Variants in KIAA1755 observed in about 807,000 individuals in gnomAD.
The protein encoded by KIAA1755 is KIAA1755.
KIAA1755 carries 68 observed loss-of-function variants against 91.7 expected under a neutral mutation model. The observed-to-expected ratio is 0.74, with a 90% CI of 0.61 to 0.91. The LOEUF is 0.91. Ranked by LOEUF, KIAA1755 falls within the 40% of genes least tolerant of loss-of-function variation. The pLI, the probability that KIAA1755 is intolerant of heterozygous loss-of-function variation, is 0.00. For synonymous variants in KIAA1755, 610 were observed against 604.6 expected (o/e 1.01, Z -0.13); for missense variants, 1,535 against 1,494.4 (o/e 1.03, Z -0.45).
intron 11 of KIAA1755, among the ~76,000 whole-genome samples, chr20:38,219,150 T>G (rs1000961873): frequency 6.6e-6 from 1 of 151,840 alleles, no homozygotes; most frequent in Non-Finnish European, 1.5e-5. Flanking sequence ...GATGCAGGAG[T>G]GTGCCGTGCC....
At chr20:38,218,968 G>A (rs1444671462) in intron 11 of KIAA1755, among the ~76,000 whole-genome samples, 1 of 152,002 alleles carries the variant, frequency 6.6e-6, no homozygotes, top group Non-Finnish European at 1.5e-5. Flanking sequence ...CTTATTCTGG[G>A]GCATCTTAAA....
At chr20:38,253,586 C>A (rs1027866081) in intron 1 of KIAA1755, among the ~76,000 whole-genome samples, 1 of 152,056 alleles carries the variant, frequency 6.6e-6, no homozygotes, top group Non-Finnish European at 1.5e-5. Flanking sequence ...ACCGTATGAT[C>A]TATAGTATGA....
At chr20:38,257,568 G>A (rs938502370) in intron 1 of KIAA1755, among the ~76,000 whole-genome samples, 1 of 142,634 alleles carries the variant, frequency 7.0e-6, no homozygotes, top group South Asian at 2.2e-4. Flanking sequence ...GCAATAGAGC[G>A]AGACTCCATC....
intron 5 of KIAA1755, among the ~76,000 whole-genome samples, chr20:38,228,590 C>T (rs532400686): frequency 2.0e-5 from 3 of 152,228 alleles, no homozygotes; most frequent in South Asian, 4.1e-4. Context: ...AATCCAACTC[C>T]CTCCAAAAAG....
rs1447670140 is a variant in KIAA1755 at position 38,241,526 on chromosome 20, C to A, written c.605G>T (p.Gly202Val). 2 of 1,614,088 alleles carry A rather than the reference C, an allele frequency of 1.2e-6. No individual in the cohort carries two copies. The highest frequency in any genetic ancestry group is 1.7e-6 in the Non-Finnish European group (2 of 1,180,046). ...QVVNALCQAW[G>V]PLPLEALDLS... is the part of the protein sequence containing the mutation. ...ATCCAGTGCCTCTAATGGAAGGGGCCCCCAGGCTTGGCAGAGGGCATTCAC... is the reference window on the plus strand; with the variant it reads ...ATCCAGTGCCTCTAATGGAAGGGGCACCCAGGCTTGGCAGAGGGCATTCAC... Residue 202 changes from glycine (G) to valine (V), a missense_variant, in exon 3 of 14, where the codon GGG becomes GTG. By Grantham distance (109) the Gly-to-Val change is moderately radical. Coordinates refer to ENST00000279024, the MANE Select transcript of KIAA1755 (RefSeq NM_001029864.2).
intron 4 of KIAA1755, among the ~76,000 whole-genome samples, 153 bp downstream of exon 4, chr20:38,239,375 T>A (rs779772669): frequency 6.6e-6 from 1 of 152,222 alleles, no homozygotes; most frequent in African/African-American, 2.4e-5. Flanking sequence ...AATTCTCCCA[T>A]GGGAAAGATG....
intron 1 of KIAA1755, among the ~76,000 whole-genome samples, chr20:38,251,129 A>C (rs1461297120): frequency 1.3e-5 from 2 of 152,152 alleles, no homozygotes; most frequent in Non-Finnish European, 2.9e-5. Context: ...TACTTTAAAA[A>C]ATAAAAATAA....
chr20:38,226,900 G>A lies in KIAA1755; in HGVS notation c.2052+254C>T, dbSNP rs142256791. On this transcript the variant is annotated intron_variant, in intron 7 of 13. Coordinates refer to ENST00000279024, the MANE Select transcript of KIAA1755 (RefSeq NM_001029864.2). Reference sequence around the variant, plus strand: ...AGGTTCTATGCCATGTGCAATTCTCGATCATGTGGCAGCACCCACCAGGAG... The same window carrying A: ...AGGTTCTATGCCATGTGCAATTCTCAATCATGTGGCAGCACCCACCAGGAG... Among the ~76,000 whole-genome samples, 205 of 152,274 alleles carry A rather than the reference G, an allele frequency of 1.3e-3. 1 individual carries two copies. Among genetic ancestry groups the A allele is most frequent in the African/African-American group, 4.7e-3 (197 of 41,550 alleles).
chr20:38,215,171 T>A (rs944694207), intron 13 of KIAA1755, among the ~76,000 whole-genome samples: 67 of 152,174 alleles, frequency 4.4e-4, no homozygotes, highest in African/African-American at 1.5e-3. Flanking sequence ...TCAGAAATCA[T>A]CTTGCCCAAC....
intron 10 of KIAA1755, among the ~76,000 whole-genome samples, chr20:38,221,559 G>T (rs901959511): frequency 2.0e-5 from 3 of 152,116 alleles, no homozygotes; most frequent in Non-Finnish European, 2.9e-5. Context: ...ATGTGACCCT[G>T]GACTAATCAC....
intron 13 of KIAA1755, chr20:38,216,848 C>T (rs893640899): frequency 2.1e-6 from 1 of 479,502 alleles, no homozygotes; most frequent in Admixed American, 2.3e-5. Context: ...CCCAACAACC[C>T]CTCATCCTCA....
Position 38,214,276 on chromosome 20 carries a change from C to T in KIAA1755, c.2902-533G>A, listed in dbSNP as rs544626025. Among the ~76,000 whole-genome samples the T allele has an allele frequency of 1.8e-4, 28 of 152,280 alleles. No homozygotes were observed. The South Asian group carries it at 2.5e-3, about 14-fold the overall frequency. On this transcript the variant is annotated intron_variant, in intron 13 of 13. Transcript: ENST00000279024. ...CATCAGACACCTTCTAATAGACCTA[C>T]GGGCCAGCAGGGACTTAGCCCTCTC...
At position 38,218,308 on chromosome 20, in the gene KIAA1755, T is replaced by A. The variant is rs754616495; in HGVS notation, c.2615A>T (p.Asp872Val). ...RRCLQSLTPK[D>V]GSLETVEKAH... ...TTTCTCCACTGTCTCCAAACTTCCA[T>A]CCTTGGGGGTCAGTGATTGCAGGCA... Residue 872 changes from aspartate (D) to valine (V), a missense_variant, in exon 12 of 14, where the codon GAT (aspartate) becomes GTT (valine). Transcript: ENST00000279024. 1.1e-5 allele frequency: 17 copies of A among 1,614,096 alleles called. No homozygotes were observed. The South Asian group carries it at 1.6e-4, about 16-fold the overall frequency.
chr20:38,219,747 AGTGGCTGCAGC>A lies in KIAA1755; in HGVS notation c.2428_2438del (p.Ala810CysfsTer73). ...GCTCGTCCACAAGGCTGTACAAGGCAGTGGCTGCAGCCAGATGGCTCCTGGGAGGTGGGCGG... is the reference window on the plus strand; with the variant it reads ...GCTCGTCCACAAGGCTGTACAAGGCACAGATGGCTCCTGGGAGGTGGGCGG... On this transcript the variant is annotated frameshift_variant, in exon 11 of 14. Coordinates refer to ENST00000279024, the MANE Select transcript of KIAA1755 (RefSeq NM_001029864.2). LOFTEE classifies it high-confidence loss of function. The A allele has an allele frequency of 6.2e-7, 1 of 1,614,134 alleles. No individual in the cohort carries two copies. The highest frequency in any genetic ancestry group is 8.5e-7 in the Non-Finnish European group (1 of 1,179,998).
rs866060910 is a variant in KIAA1755 at position 38,241,883 on chromosome 20, C to G, written c.248G>C (p.Cys83Ser). ...GTGGACCACAACTTCATCCCTCAGA[C>G]AGAGTGGCCAGCCCTCGTGTAAGAA... ...CLFLHEGWPL[C>S]LRDEVVVHLA... The change falls in exon 3 of 14, where the codon TGT becomes TCT. Residue 83 changes from cysteine to serine, a missense_variant. Cys to Ser is a moderately radical substitution (Grantham distance 112). Coordinates refer to ENST00000279024, the MANE Select transcript of KIAA1755 (RefSeq NM_001029864.2). The G allele has an allele frequency of 2.5e-6, 4 of 1,613,832 alleles. No individual in the cohort carries two copies. Among genetic ancestry groups the G allele is most frequent in the African/African-American group, 1.3e-5 (1 of 75,052 alleles).
intron 5 of KIAA1755, among the ~76,000 whole-genome samples, chr20:38,230,951 A>G (rs1174795200): frequency 6.6e-6 from 1 of 151,564 alleles, no homozygotes; most frequent in Non-Finnish European, 1.5e-5. Context: ...CATCACACTG[A>G]CACTCCTGAA....
chr20:38,229,429 A>C (rs559737939), intron 5 of KIAA1755, among the ~76,000 whole-genome samples: 2 of 152,296 alleles, frequency 1.3e-5, no homozygotes, highest in African/African-American at 4.8e-5. Flanking sequence ...AGGCTCTGGG[A>C]GGTGATTTCA....
chr20:38,216,493 G>A (rs1372907970), intron 13 of KIAA1755, among the ~76,000 whole-genome samples: 7 of 152,226 alleles, frequency 4.6e-5, no homozygotes, highest in African/African-American at 1.7e-4. Context: ...GGTGACAAGT[G>A]CAAGGGGCAG....
chr20:38,240,703 C>G lies in KIAA1755; in HGVS notation c.1428G>C (p.Leu476Phe), dbSNP rs775394573. ...PPTPGLKFSF[L>F]RGQRQPSVTP... is the part of the protein sequence containing the mutation. ...TCACAGAGGGTTGCCTCTGCCCTCT[C>G]AAGAATGAGAATTTGAGCCCAGGAG... Residue 476 changes from leucine (L) to phenylalanine (F), a missense_variant, in exon 3 of 14, where the codon TTG becomes TTC. By Grantham distance (22) the Leu-to-Phe change is conservative (BLOSUM62 0). Transcript: ENST00000279024. 1 of 1,566,490 alleles carries G rather than the reference C, an allele frequency of 6.4e-7. No homozygotes were observed. Among genetic ancestry groups the G allele is most frequent in the Admixed American group, 1.9e-5 (1 of 53,676 alleles).
Sources: allele counts gnomAD v4.1 joint callset (sites outside exome capture counted in the v4.1 genomes callset), GRCh38; gene constraint gnomAD v4.1.1; transcripts MANE v1.5; gene names NCBI Gene and HGNC (gene_info 2026-07-23, HGNC 2026-07-21).